The following ANXA8 variants were observed in gnomAD, a reference collection of about 807,000 sequenced individuals.
The protein encoded by ANXA8 is VAC-beta.
Under a neutral mutation model 26.8 loss-of-function variants are expected in ANXA8, and 9 were observed. The observed-to-expected ratio is 0.34, with a 90% CI of 0.20 to 0.59. The LOEUF is 0.59. ANXA8 is among the 20% of genes least tolerant of loss of function. ANXA8 has a pLI of 0.84. For missense variants in ANXA8, 83 were observed against 238.5 expected (o/e 0.35, Z 4.29); for synonymous variants, 39 against 94.8 (o/e 0.41, Z 3.42).
chr10:47,733,183 T>TTCTCTCTCTCTCTC, the ANXA8 span, among the ~76,000 whole-genome samples: 1 of 87,042 alleles, frequency 1.1e-5, no homozygotes, highest in African/African-American at 3.2e-5. Flanking sequence ...CTTTCTTTCT[T>TTCTCTCTCTCTCTC]TCTTTCTTTC....
chr10:47,597,717 G>T, the ANXA8 span, among the ~76,000 whole-genome samples: 1 of 109,096 alleles, frequency 9.2e-6, no homozygotes, highest in African/African-American at 4.0e-5. Flanking sequence ...GGAGGTAAAA[G>T]ATCTCTTTAA....
At chr10:47,763,471 A>C in the ANXA8 span, 2 of 588,056 alleles carry the variant, frequency 3.4e-6, no homozygotes, top group African/African-American at 4.0e-5. Flanking sequence ...GCATGTAAAG[A>C]ACACTTAGAG....
chr10:47,636,528 G>A, the ANXA8 span, among the ~76,000 whole-genome samples: 383 of 144,864 alleles, frequency 2.6e-3, 6 homozygotes, highest in African/African-American at 9.6e-3. Context: ...GTTTTATTGA[G>A]GTATAAAAAA....
the ANXA8 span, among the ~76,000 whole-genome samples, chr10:47,495,672 G>A: frequency 7.0e-6 from 1 of 143,556 alleles, no homozygotes. Flanking sequence ...GGAGGAGGAG[G>A]AGGAGGAGGA....
chr10:47,737,138 C>T, the ANXA8 span, among the ~76,000 whole-genome samples: 24 of 145,914 alleles, frequency 1.6e-4, no homozygotes, highest in African/African-American at 6.1e-4. Context: ...ACATTTTTCC[C>T]AAGCTTGTTA....
chr10:47,765,978 C>G, the ANXA8 span, among the ~76,000 whole-genome samples: 1 of 150,606 alleles, frequency 6.6e-6, no homozygotes, highest in East Asian at 2.0e-4. Flanking sequence ...GAACCCCCAG[C>G]ATCTTGCCTT....
chr10:47,485,163 T>G (rs1840011398), upstream of ANXA8, among the ~76,000 whole-genome samples: 1 of 152,090 alleles, frequency 6.6e-6, no homozygotes, highest in South Asian at 2.1e-4. Flanking sequence ...ACGCCAAACC[T>G]AATAAGCAGA....
At chr10:47,530,784 A>G in the ANXA8 span, among the ~76,000 whole-genome samples, 15 of 129,970 alleles carry the variant, frequency 1.2e-4, 1 homozygote, top group Non-Finnish European at 2.4e-4. Flanking sequence ...ACACACAAAA[A>G]TCCAATCTGT....
chr10:47,697,251 T>C, the ANXA8 span, among the ~76,000 whole-genome samples: 1 of 152,266 alleles, frequency 6.6e-6, no homozygotes, highest in African/African-American at 2.4e-5. Flanking sequence ...ACTATACCTT[T>C]ATCTCCTTTT....
At chr10:47,557,557 G>A in the ANXA8 span, among the ~76,000 whole-genome samples, 2 of 150,546 alleles carry the variant, frequency 1.3e-5, no homozygotes, top group African/African-American at 4.9e-5. Flanking sequence ...GAGTGTTAAC[G>A]TATGAATATT....
the ANXA8 span, among the ~76,000 whole-genome samples, chr10:47,660,808 CAAAAAAAAAAAA>C: frequency 3.9e-3 from 237 of 61,056 alleles, 5 homozygotes; most frequent in African/African-American, 0.011. Context: ...CACTGACTGT[CAAAAAAAAAAAA>C]AAAAAAAAGG....
the ANXA8 span, chr10:47,973,108 A>G: frequency 2.0e-4 from 1 of 4,904 alleles, no homozygotes; most frequent in African/African-American, 4.7e-3. Context: ...ACACAAATGC[A>G]CACACACACA....
upstream of ANXA8, chr10:47,487,187 C>T: frequency 1.1e-6 from 1 of 899,636 alleles, no homozygotes; most frequent in Non-Finnish European, 1.7e-6. Flanking sequence ...CTAGTGTTTC[C>T]ATCCAAATGG....
the ANXA8 span, among the ~76,000 whole-genome samples, chr10:47,692,924 G>A: frequency 6.6e-6 from 1 of 151,020 alleles, no homozygotes; most frequent in Non-Finnish European, 1.5e-5. Context: ...TAGTAGAGAC[G>A]GGGTTTCACC....
the ANXA8 span, among the ~76,000 whole-genome samples, chr10:47,625,904 C>T: frequency 2.0e-5 from 3 of 150,930 alleles, no homozygotes; most frequent in South Asian, 6.2e-4. Context: ...CTGATGACTA[C>T]CAATTAACTG....
the ANXA8 span, chr10:47,565,728 G>A: frequency 5.6e-6 from 3 of 531,278 alleles, no homozygotes; most frequent in Admixed American, 4.4e-5. Context: ...CTTCAGCCCC[G>A]AGGGCGTGCA....
the ANXA8 span, among the ~76,000 whole-genome samples, chr10:47,527,652 TTG>T: frequency 2.1e-5 from 3 of 140,524 alleles, no homozygotes; most frequent in Non-Finnish European, 3.1e-5. Flanking sequence ...GTGATTGGGC[TTG>T]TGTGTGTGTG....
chr10:47,526,118 T>A, the ANXA8 span, among the ~76,000 whole-genome samples: 2 of 133,686 alleles, frequency 1.5e-5, no homozygotes, highest in Admixed American at 1.5e-4. Context: ...TTATTTTTTT[T>A]TTTTTTGAGA....
chr10:47,733,175 T>TTCTTTCTCTCTCTC, the ANXA8 span, among the ~76,000 whole-genome samples: 16 of 93,270 alleles, frequency 1.7e-4, no homozygotes, highest in African/African-American at 4.8e-4. Context: ...CTTTCTTTCT[T>TTCTTTCTCTCTCTC]TCTTTCTTTC....
Sources: allele counts gnomAD v4.1 joint callset (sites outside exome capture counted in the v4.1 genomes callset), GRCh38; gene constraint gnomAD v4.1.1; transcripts MANE v1.5; gene names NCBI Gene and HGNC (gene_info 2026-07-23, HGNC 2026-07-21).